The following SULF2 variants were observed in gnomAD, a reference collection of about 807,000 sequenced individuals.
The protein encoded by SULF2 is extracellular sulfatase Sulf-2.
In SULF2, 52 loss-of-function variants were observed where a neutral mutation model predicts 107.7. That is an observed-to-expected ratio of 0.48 (90% CI 0.39 to 0.61). The LOEUF (loss-of-function observed/expected upper bound fraction) is 0.61. Among genes scored for constraint, SULF2 ranks in the 20% least tolerant of loss-of-function variants. The pLI is 0.00. For missense variants in SULF2, 993 were observed against 1,177.3 expected, an observed-to-expected ratio of 0.84 and a Z score of 2.29; for synonymous variants, 460 against 464.3, an observed-to-expected ratio of 0.99 and a Z score of 0.12.
chr20:47,676,681 G>C, intron 9 of SULF2, 58 bp from the exon 10 acceptor site: 1 of 1,541,656 alleles, frequency 6.5e-7, no homozygotes, highest in Non-Finnish European at 8.7e-7. Flanking sequence ...AGGAGCCCCG[G>C]AGGCATGTGT....
Position 47,696,936 on chromosome 20 carries a change from C to T in SULF2, c.567+5583G>A, listed in dbSNP as rs961029460. Among the ~76,000 whole-genome samples the T allele has an allele frequency of 4.6e-5, 7 of 152,318 alleles. No individual in the cohort carries two copies. In the South Asian group the frequency reaches 6.2e-4, roughly 14 times the overall value. ...CTTTCAGTAATAAACAGAGCTACAA[C>T]CAGCTGCTCCATCACGCCGTCTCCT... is the stretch of plus-strand genomic sequence containing the variant. On this transcript the variant is annotated intron_variant, in intron 4 of 20. Transcript: ENST00000688720.
At chr20:47,744,530 G>A (rs2089961916) in intron 2 of SULF2, among the ~76,000 whole-genome samples, 1 of 152,152 alleles carries the variant, frequency 6.6e-6, no homozygotes, top group Non-Finnish European at 1.5e-5. Context: ...GCCTGTCTGT[G>A]TGCTACCCCT....
chr20:47,683,531 T>G (rs2087898767), intron 6 of SULF2, among the ~76,000 whole-genome samples: 1 of 152,242 alleles, frequency 6.6e-6, no homozygotes, highest in Non-Finnish European at 1.5e-5. Context: ...GTCAGGTGAA[T>G]GAATGAATGA....
intron 3 of SULF2, among the ~76,000 whole-genome samples, chr20:47,708,161 G>A (rs2088810411): frequency 1.3e-5 from 2 of 152,224 alleles, no homozygotes; most frequent in African/African-American, 4.8e-5. Flanking sequence ...TGATGTTCTA[G>A]TGGGGAATGA....
At chr20:47,769,600 C>T (rs932792338) in intron 1 of SULF2, among the ~76,000 whole-genome samples, 2 of 152,228 alleles carry the variant, frequency 1.3e-5, no homozygotes, top group South Asian at 2.1e-4. Context: ...CTGGCAGAGC[C>T]GAGGTGCTAA....
upstream of SULF2, chr20:47,786,168 T>TA (rs1199885199): frequency 6.6e-6 from 1 of 152,140 alleles, no homozygotes; most frequent in Non-Finnish European, 1.5e-5. Context: ...TGTGTGTGCG[T>TA]AACACACAAA....
chr20:47,674,895 C>T (rs549278731), intron 10 of SULF2, among the ~76,000 whole-genome samples: 21 of 152,266 alleles, frequency 1.4e-4, no homozygotes, highest in African/African-American at 3.9e-4. Context: ...GGGGGGCAGA[C>T]GTCTGAGCCT....
At position 47,666,574 on chromosome 20, in the gene SULF2, G is replaced by T; in HGVS notation, c.1577-86C>A. 9.1e-7 allele frequency: 1 copy of T among 1,094,720 alleles called. No individual in the cohort carries two copies. 67.8% of individuals were successfully genotyped at this position (1,094,720 alleles called of 1,614,324 possible). A position where few individuals can be genotyped will look rare whatever the true frequency, so the allele number is the denominator to read the frequency against. On this transcript the variant is annotated intron_variant, in intron 11 of 20. Transcript: ENST00000688720. This position sits in a 1 kb window ranked among gnomAD's most constrained non-coding sequence, Gnocchi z 5.4. Reference sequence around the variant, plus strand: ...GGCAGTGGGTCCTTCATCAAGATAGGGCCGGGCTTCCAAGCATGAGGCTCA... The same window carrying T: ...GGCAGTGGGTCCTTCATCAAGATAGTGCCGGGCTTCCAAGCATGAGGCTCA...
In SULF2 at chr20:47,672,445, C is replaced by T. The variant is rs770362944; in HGVS notation, c.1381-52G>A. The T allele has an allele frequency of 1.8e-5, 27 of 1,503,140 alleles. No individual in the cohort carries two copies. The East Asian group carries it at 2.9e-4, about 16-fold the overall frequency. 93.1% of individuals were successfully genotyped at this position (1,503,140 alleles called of 1,614,324 possible). A position where few individuals can be genotyped will look rare whatever the true frequency, so the allele number is the denominator to read the frequency against. The stretch of plus-strand genomic sequence containing the variant: ...AGCTGCTCATCTGCTCCCCTAAACC[C>T]GCCTCTCCCCTGCCACCCCCATCCA... On this transcript the variant is annotated intron_variant, in intron 10 of 20. Transcript: ENST00000688720.
chr20:47,664,301 T>G, intron 14 of SULF2, 112 bp from the exon 15 acceptor site: 1 of 1,064,092 alleles, frequency 9.4e-7, no homozygotes, highest in Non-Finnish European at 1.4e-6. Context: ...CCCACCCCTG[T>G]CCCTCCTTCT....
At chr20:47,675,359 A>ACGCATTCAT (rs1329794568) in intron 10 of SULF2, among the ~76,000 whole-genome samples, 3 of 151,956 alleles carry the variant, frequency 2.0e-5, no homozygotes, top group Admixed American at 6.6e-5. Context: ...AAGCGGGGGG[A>ACGCATTCAT]CGCATTCATG....
intron 1 of SULF2, among the ~76,000 whole-genome samples, chr20:47,757,932 G>A (rs920285293): frequency 2.6e-5 from 4 of 152,152 alleles, no homozygotes; most frequent in Admixed American, 2.6e-4. Flanking sequence ...GATTCAATCA[G>A]GGGTTTAAAC....
Position 47,683,188 on chromosome 20 carries a change from G to A in SULF2, c.889-19C>T. The A allele has an allele frequency of 6.3e-7, 1 of 1,577,142 alleles. No homozygotes were observed. On this transcript the variant is annotated intron_variant, in intron 6 of 20. Transcript: ENST00000688720. Reference sequence around the variant, plus strand: ...TGTAAATCTGCAACACGGGCGAGGAGGCAAGGGACAGTGGGGACTGGGTGC... The same window carrying A: ...TGTAAATCTGCAACACGGGCGAGGAAGCAAGGGACAGTGGGGACTGGGTGC...
chr20:47,684,572 G>C lies in SULF2; in HGVS notation c.747C>G (p.Ser249Arg). The C allele has an allele frequency of 2.5e-6, 4 of 1,613,818 alleles. No individual in the cohort carries two copies. The highest frequency in any genetic ancestry group is 3.4e-6 in the Non-Finnish European group (4 of 1,179,860). The change falls in exon 6 of 21, where the codon AGC (serine) becomes AGG (arginine). Residue 249 changes from serine to arginine, a missense_variant. Ser to Arg is a moderately radical substitution (Grantham distance 110). Coordinates refer to ENST00000688720, the MANE Select transcript of SULF2 (RefSeq NM_001387048.1). ...FPNASQHITP[S>R]YNYAPNPDKH... is the part of the protein sequence containing the mutation. ...TGTCCGGGTTGGGCGCGTAGTTGTA[G>C]CTCGGCGTGCTGGTGGGCAAGGACA...
At chr20:47,724,791 T>C (rs2089393429) in intron 3 of SULF2, among the ~76,000 whole-genome samples, 1 of 152,220 alleles carries the variant, frequency 6.6e-6, no homozygotes, top group Non-Finnish European at 1.5e-5. Context: ...AATTATCGCC[T>C]TGGAGGAATC....
rs61756206 is a variant in SULF2 at position 47,683,002 on chromosome 20, G to A, written c.1056C>T (p.Ala352=). Residue 352 remains alanine (A), a synonymous_variant, in exon 7 of 21, where the codon GCC becomes GCT. Coordinates refer to ENST00000688720, the MANE Select transcript of SULF2 (RefSeq NM_001387048.1). ...PFYVRGPNVE[A]GCLNPHIVLN... ...GGGGATGACACACTTACAGACAGCC[G>A]GCTTCCACGTTGGGGCCCCTCACGT... is the stretch of plus-strand genomic sequence containing the variant. 169 of 1,607,274 alleles carry A rather than the reference G, an allele frequency of 1.1e-4. 1 individual carries two copies. The South Asian group carries it at 1.5e-3, about 14-fold the overall frequency.
chr20:47,727,017 C>T lies in SULF2; in HGVS notation c.415+9686G>A, dbSNP rs150292263. Among the ~76,000 whole-genome samples the T allele has an allele frequency of 4.3e-3, 638 of 147,060 alleles. 4 individuals carry two copies. Among genetic ancestry groups the T allele is most frequent in the African/African-American group, 0.015 (612 of 40,756 alleles). ...GCTGGGGCAGTGAAGAGGGGAAGAG[C>T]GGCAGGTTTGCTCAGTTTGACATCG... is the stretch of plus-strand genomic sequence containing the variant. On this transcript the variant is annotated intron_variant, in intron 3 of 20. Coordinates refer to ENST00000688720, the MANE Select transcript of SULF2 (RefSeq NM_001387048.1).
At chr20:47,713,275 C>T (rs2088994941) in intron 3 of SULF2, among the ~76,000 whole-genome samples, 1 of 152,100 alleles carries the variant, frequency 6.6e-6, no homozygotes, top group African/African-American at 2.4e-5. Flanking sequence ...GAATGTGCTA[C>T]AGGCATCTAT....
At chr20:47,722,884 G>A (rs547995313) in intron 3 of SULF2, among the ~76,000 whole-genome samples, 134 of 152,216 alleles carry the variant, frequency 8.8e-4, no homozygotes, top group Non-Finnish European at 1.7e-3. Flanking sequence ...TGGCCAACAT[G>A]GTGAAACCCC....
Sources: allele counts gnomAD v4.1 joint callset (sites outside exome capture counted in the v4.1 genomes callset), GRCh38; gene constraint gnomAD v4.1.1; non-coding constraint Gnocchi (gnomAD v3.1); transcripts MANE v1.5; gene names NCBI Gene and HGNC (gene_info 2026-07-23, HGNC 2026-07-21).